The following SYNE1 variants were observed in gnomAD, a reference collection of about 807,000 sequenced individuals.
SYNE1 encodes the protein nesprin-1.
Under a neutral mutation model 1,111.0 loss-of-function variants are expected in SYNE1, and 616 were observed. The ratio of observed to expected loss-of-function variants is 0.55; its 90% confidence interval spans 0.52 to 0.59. The LOEUF (loss-of-function observed/expected upper bound fraction) is 0.59. Ranked by LOEUF, SYNE1 falls within the 20% of genes least tolerant of loss-of-function variation. SYNE1 has a pLI of 0.00. For missense variants in SYNE1, 10,006 were observed against 10,417.0 expected (o/e 0.96, Z 1.72); for synonymous variants, 3,855 against 3,825.8 (o/e 1.01, Z -0.28).
chr6:152,394,446 A>C (rs562525267), intron 51 of SYNE1, among the ~76,000 whole-genome samples: 2 of 152,342 alleles, frequency 1.3e-5, no homozygotes, highest in South Asian at 4.1e-4. Context: ...GCCAAGCTGC[A>C]CTTCCCTGTG....
In SYNE1 at chr6:152,201,769, GAC is replaced by G. The variant is rs111292560; in HGVS notation, c.23145+53_23145+54del. 3,262 of 1,613,316 alleles carry G rather than the reference GAC, an allele frequency of 2.0e-3. 52 individuals carry two copies. In the African/African-American group the frequency reaches 0.038, roughly 19 times the overall value. On this transcript the variant is annotated intron_variant, in intron 127 of 145. Coordinates refer to ENST00000367255, the MANE Select transcript of SYNE1 (RefSeq NM_182961.4). ...AGTTTGACTGGATTATGGCCCCAAAGACATTCCAGCAGAGGCACACAGGTGAC... is the reference window on the plus strand; with the variant it reads ...AGTTTGACTGGATTATGGCCCCAAAGATTCCAGCAGAGGCACACAGGTGAC...
At chr6:152,554,651 G>A (rs922633369) in intron 3 of SYNE1, among the ~76,000 whole-genome samples, 2 of 152,062 alleles carry the variant, frequency 1.3e-5, no homozygotes, top group Admixed American at 6.5e-5. Flanking sequence ...GCCTATCTAA[G>A]GTACCATTTT....
At chr6:152,192,553 C>T (rs185010416) in intron 127 of SYNE1, among the ~76,000 whole-genome samples, 2 of 152,136 alleles carry the variant, frequency 1.3e-5, no homozygotes, top group African/African-American at 4.8e-5. Flanking sequence ...CTCACTGTAA[C>T]GTCCACCACC....
chr6:152,256,835 C>T, intron 101 of SYNE1, 70 bp from the exon 102 acceptor site: 1 of 1,597,210 alleles, frequency 6.3e-7, no homozygotes, highest in Non-Finnish European at 8.5e-7. Flanking sequence ...TTTGGAAATG[C>T]ATACTGAAAT....
chr6:152,360,281 C>A (rs2096909913), intron 64 of SYNE1, among the ~76,000 whole-genome samples: 1 of 152,184 alleles, frequency 6.6e-6, no homozygotes, highest in Non-Finnish European at 1.5e-5. Flanking sequence ...TGCCTACTCT[C>A]TGCTGCAACA....
At chr6:152,307,345 A>C (rs2095411986) in intron 91 of SYNE1, among the ~76,000 whole-genome samples, 1 of 152,202 alleles carries the variant, frequency 6.6e-6, no homozygotes, top group Non-Finnish European at 1.5e-5. Context: ...CATCCTTACA[A>C]AGCAATACCT....
intron 91 of SYNE1, 89 bp downstream of exon 91, chr6:152,308,400 A>C: frequency 1.3e-6 from 2 of 1,583,496 alleles, no homozygotes; most frequent in Non-Finnish European, 1.7e-6. Flanking sequence ...GGACAGGGGA[A>C]ACTGTTCTCT....
intron 87 of SYNE1, 30 bp downstream of exon 87, chr6:152,316,819 C>T (rs1333656096): frequency 2.5e-6 from 4 of 1,613,554 alleles, no homozygotes; most frequent in Non-Finnish European, 3.4e-6. Context: ...CCCTTGGTTA[C>T]TTTTTAAAGA....
chr6:152,131,907 T>C (rs139083582), intron 144 of SYNE1, among the ~76,000 whole-genome samples: 1 of 152,328 alleles, frequency 6.6e-6, no homozygotes, highest in East Asian at 1.9e-4. Flanking sequence ...AGCCACACGT[T>C]GAGTCCTGAT....
At chr6:152,397,723 C>A (rs1046159061) in intron 49 of SYNE1, among the ~76,000 whole-genome samples, 8 of 152,094 alleles carry the variant, frequency 5.3e-5, no homozygotes, top group African/African-American at 1.9e-4. Flanking sequence ...TTTATTTTGG[C>A]CGGGCATGGT....
chr6:152,414,867 A>G (rs1460272864), intron 41 of SYNE1, among the ~76,000 whole-genome samples: 1 of 152,032 alleles, frequency 6.6e-6, no homozygotes, highest in Non-Finnish European at 1.5e-5. Context: ...TCTGGAGGCT[A>G]TTTTTTCTTC....
chr6:152,447,411 A>T (rs1409876357), intron 29 of SYNE1, 47 bp downstream of exon 29: 1 of 1,603,728 alleles, frequency 6.2e-7, no homozygotes. Context: ...AACCTTCCAG[A>T]TGCCTCACTC....
Position 152,323,627 on chromosome 6 carries a change from C to G in SYNE1, c.15768G>C (p.Thr5256=). Residue 5256 remains threonine (T), a synonymous_variant, in exon 82 of 146, where the codon ACG becomes ACC. Coordinates refer to ENST00000367255, the MANE Select transcript of SYNE1 (RefSeq NM_182961.4). Reference sequence around the variant, plus strand: ...GCTGCTGCTCCAGCTCCAGAACGAACGTGTCGTGGTATTCAAGAAGAGTTA... The same window carrying G: ...GCTGCTGCTCCAGCTCCAGAACGAAGGTGTCGTGGTATTCAAGAAGAGTTA... ...ELLTLLEYHD[T]FVLELEQQQS... The G allele has an allele frequency of 1.2e-6, 2 of 1,614,236 alleles. No homozygotes were observed. Among genetic ancestry groups the G allele is most frequent in the Non-Finnish European group, 1.7e-6 (2 of 1,180,048 alleles).
chr6:152,353,813 C>A (rs985355918), intron 67 of SYNE1, 69 bp from the exon 68 acceptor site: 2 of 1,589,844 alleles, frequency 1.3e-6, no homozygotes, highest in Non-Finnish European at 8.6e-7. Context: ...TGTATATCTT[C>A]TTATAGGAAA....
At chr6:152,316,778 T>A in intron 87 of SYNE1, 71 bp downstream of exon 87, 1 of 1,572,538 alleles carries the variant, frequency 6.4e-7, no homozygotes, top group Non-Finnish European at 8.7e-7. Flanking sequence ...CCTCTAAGTG[T>A]TGTGTCAGTC....
intron 123 of SYNE1, among the ~76,000 whole-genome samples, chr6:152,213,102 G>T (rs1029569748): frequency 2.0e-5 from 3 of 152,050 alleles, no homozygotes; most frequent in Non-Finnish European, 4.4e-5. Flanking sequence ...CTCCCTCTTT[G>T]TTTCTTAAGA....
chr6:152,363,362 C>T (rs967381678), intron 63 of SYNE1, among the ~76,000 whole-genome samples: 15 of 149,638 alleles, frequency 1.0e-4, no homozygotes, highest in East Asian at 4.1e-4. Context: ...GGCATGGTGG[C>T]GGGCGCCTGT....
chr6:152,287,257 A>G (rs1562797656), intron 95 of SYNE1, among the ~76,000 whole-genome samples: 1 of 151,240 alleles, frequency 6.6e-6, no homozygotes, highest in Non-Finnish European at 1.5e-5. Context: ...CAGTGTAGAA[A>G]GAGGTGAAAA....
chr6:152,409,367 T>C (rs2097969881), intron 43 of SYNE1, 141 bp from the exon 44 acceptor site: 2 of 1,043,624 alleles, frequency 1.9e-6, no homozygotes, highest in Non-Finnish European at 2.8e-6. Context: ...TATATGAATA[T>C]ATATAACACC....
Sources: gnomAD v4.1 joint callset for allele counts (sites outside exome capture counted in the v4.1 genomes callset) on GRCh38, gnomAD v4.1.1 for gene constraint, MANE v1.5 for transcripts, NCBI Gene and HGNC (gene_info 2026-07-23, HGNC 2026-07-21) for gene names.